Variants in ANKS1B observed in about 807,000 individuals in gnomAD.
ANKS1B encodes ankyrin repeat and sterile alpha motif domain containing 1B.
A neutral mutation model predicts 148.3 loss-of-function variants in ANKS1B; 36 were observed. The observed-to-expected ratio is 0.24, with a 90% confidence interval of 0.19 to 0.32. ANKS1B has a LOEUF of 0.32. Among genes scored for constraint, ANKS1B ranks in the 10% least tolerant of loss-of-function variants. ANKS1B has a pLI of 1.00. For synonymous variants in ANKS1B, 542 were observed against 560.8 expected (o/e 0.97, Z 0.47); for missense variants, 1,157 against 1,542.6 (o/e 0.75, Z 4.19).
At chr12:99,875,166 A>T (rs979070687) in intron 1 of ANKS1B, among the ~76,000 whole-genome samples, 10 of 152,162 alleles carry the variant, frequency 6.6e-5, no homozygotes, top group African/African-American at 1.7e-4. Flanking sequence ...AGATGCTTTG[A>T]CTTGGGCTGT....
intron 8 of ANKS1B, among the ~76,000 whole-genome samples, chr12:99,690,504 C>T (rs973459934): frequency 2.0e-5 from 3 of 152,148 alleles, no homozygotes; most frequent in African/African-American, 7.2e-5. Context: ...TGAGGGCACA[C>T]ACATTGGGTA....
intron 1 of ANKS1B, among the ~76,000 whole-genome samples, chr12:99,883,503 C>T (rs1448760346): frequency 6.6e-6 from 1 of 151,690 alleles, no homozygotes; most frequent in African/African-American, 2.4e-5. Context: ...AATGATACAC[C>T]AAAAGCATGA....
At chr12:99,065,579 A>G (rs963401600) in intron 16 of ANKS1B, among the ~76,000 whole-genome samples, 1 of 151,290 alleles carries the variant, frequency 6.6e-6, no homozygotes, top group Admixed American at 6.6e-5. Flanking sequence ...AGGACCTACC[A>G]TCCATTCCAT....
At chr12:99,265,013 A>G (rs1047269640) in intron 12 of ANKS1B, among the ~76,000 whole-genome samples, 1 of 152,202 alleles carries the variant, frequency 6.6e-6, no homozygotes, top group East Asian at 1.9e-4. Flanking sequence ...GTGCTGGCCA[A>G]TATGGTAACC....
rs548376569 is a variant in ANKS1B at position 98,793,834 on chromosome 12, T to G, written c.3342+5100A>C. 3.3e-5 allele frequency among the ~76,000 whole-genome samples: 5 copies of G among 152,292 alleles called. No individual in the cohort carries two copies. In the South Asian group the frequency reaches 1.0e-3, roughly 32 times the overall value. ...ATATTTAATTAGGGAAGTGATGCAT[T>G]ACTGTATATTAGTGAAAATTAAGCC... On this transcript the variant is annotated intron_variant, in intron 22 of 26. Transcript: ENST00000683438.
intron 17 of ANKS1B, among the ~76,000 whole-genome samples, chr12:98,961,297 C>T (rs1272048369): frequency 2.0e-5 from 3 of 152,060 alleles, no homozygotes; most frequent in Non-Finnish European, 2.9e-5. Flanking sequence ...GACTTTTCAG[C>T]GGAAACCTTA....
intron 9 of ANKS1B, among the ~76,000 whole-genome samples, chr12:99,558,692 C>A (rs899639113): frequency 6.6e-6 from 1 of 152,130 alleles, no homozygotes; most frequent in Non-Finnish European, 1.5e-5. Flanking sequence ...AGGCTGGAGC[C>A]CCAGGAGAGG....
At chr12:99,738,762 C>T (rs1038549923) in intron 8 of ANKS1B, among the ~76,000 whole-genome samples, 12 of 152,180 alleles carry the variant, frequency 7.9e-5, no homozygotes, top group African/African-American at 2.9e-4. Flanking sequence ...CCAAGACTCA[C>T]TAGTTAAGAA....
At chr12:99,744,042 GAAGGGTCAACT>G (rs980939546) in intron 8 of ANKS1B, among the ~76,000 whole-genome samples, 3 of 152,148 alleles carry the variant, frequency 2.0e-5, no homozygotes, top group African/African-American at 7.2e-5. Flanking sequence ...CTGCAGACAA[GAAGGGTCAACT>G]AAGGAACTTG....
At chr12:98,865,957 T>A (rs1160160445) in intron 17 of ANKS1B, among the ~76,000 whole-genome samples, 1 of 152,258 alleles carries the variant, frequency 6.6e-6, no homozygotes, top group Non-Finnish European at 1.5e-5. Flanking sequence ...TGCTTCCTAA[T>A]AGATGGCCGT....
chr12:99,741,661 C>T (rs567910322), intron 8 of ANKS1B, among the ~76,000 whole-genome samples: 28 of 152,124 alleles, frequency 1.8e-4, no homozygotes, highest in Non-Finnish European at 3.2e-4. Context: ...AACCAAACAC[C>T]GCATGTTCTC....
At chr12:99,063,738 C>G (rs888993581) in intron 16 of ANKS1B, among the ~76,000 whole-genome samples, 1 of 152,284 alleles carries the variant, frequency 6.6e-6, no homozygotes, top group South Asian at 2.1e-4. Flanking sequence ...GGAAGACACC[C>G]TTTAAGGAGT....
At chr12:99,553,133 G>T (rs1010529551) in intron 9 of ANKS1B, among the ~76,000 whole-genome samples, 3 of 151,828 alleles carry the variant, frequency 2.0e-5, no homozygotes, top group Non-Finnish European at 4.4e-5. Context: ...CACAATAGTT[G>T]GAGCTTCAAT....
chr12:99,049,607 TCAA>T (rs1361548469), intron 17 of ANKS1B, among the ~76,000 whole-genome samples: 1 of 152,048 alleles, frequency 6.6e-6, no homozygotes, highest in Non-Finnish European at 1.5e-5. Context: ...GGAAATTAAA[TCAA>T]CAACATTGAA....
intron 17 of ANKS1B, among the ~76,000 whole-genome samples, chr12:99,000,721 T>C (rs1020956162): frequency 6.6e-6 from 1 of 152,194 alleles, no homozygotes; most frequent in Non-Finnish European, 1.5e-5. Flanking sequence ...CTTGCATAAC[T>C]GAAACTTCAC....
At chr12:99,451,978 A>G (rs1191485297) in intron 10 of ANKS1B, among the ~76,000 whole-genome samples, 1 of 152,156 alleles carries the variant, frequency 6.6e-6, no homozygotes, top group Non-Finnish European at 1.5e-5. Flanking sequence ...TCACTAAGTA[A>G]TCATCAAATA....
intron 7 of ANKS1B, 36 bp from the exon 8 acceptor site, chr12:99,773,124 G>T: frequency 1.3e-6 from 2 of 1,555,832 alleles, no homozygotes; most frequent in African/African-American, 1.4e-5. Context: ...TTCAAGAAAG[G>T]CTATTGTTAA....
At chr12:99,433,974 C>A (rs1241907229) in intron 11 of ANKS1B, among the ~76,000 whole-genome samples, 1 of 151,974 alleles carries the variant, frequency 6.6e-6, no homozygotes, top group African/African-American at 2.4e-5. Context: ...GCTTAAGATG[C>A]CCAGCATATG....
At position 99,915,867 on chromosome 12, in the gene ANKS1B, G is replaced by A. The variant is rs555604675; in HGVS notation, c.134+68237C>T. Reference sequence around the variant, plus strand: ...CCATGACTCTCTCCTATCTTCTGGTGGTTTTCTGGCATTCTGTTGCGTTCA... The same window carrying A: ...CCATGACTCTCTCCTATCTTCTGGTAGTTTTCTGGCATTCTGTTGCGTTCA... On this transcript the variant is annotated intron_variant, in intron 1 of 26. Transcript: ENST00000683438. Among the ~76,000 whole-genome samples, 14 of 152,260 alleles carry A rather than the reference G, an allele frequency of 9.2e-5. No individual in the cohort carries two copies. In the South Asian group the frequency reaches 2.5e-3, roughly 27 times the overall value.
Sources: allele counts gnomAD v4.1 joint callset (sites outside exome capture counted in the v4.1 genomes callset), GRCh38; gene constraint gnomAD v4.1.1; transcripts MANE v1.5; gene names NCBI Gene and HGNC (gene_info 2026-07-23, HGNC 2026-07-21).